The following TENM4 variants were observed in gnomAD, a reference collection of about 807,000 sequenced individuals.
The protein encoded by TENM4 is teneurin transmembrane protein 4.
TENM4 carries 82 observed loss-of-function variants against 243.3 expected under a neutral mutation model. That is an observed-to-expected ratio of 0.34 (90% CI 0.28 to 0.40). The LOEUF (loss-of-function observed/expected upper bound fraction) is 0.40, where lower values mean the gene tolerates loss of function less well. Ranked by LOEUF, TENM4 falls within the 10% of genes least tolerant of loss-of-function variation. TENM4 has a pLI of 1.00. For missense variants in TENM4, 3,138 were observed against 3,673.3 expected (o/e 0.85, Z 3.77); for synonymous variants, 1,412 against 1,456.3 (o/e 0.97, Z 0.69).
intron 1 of TENM4, among the ~76,000 whole-genome samples, chr11:79,311,062 C>A (rs1856713360): frequency 6.6e-6 from 1 of 152,164 alleles, no homozygotes; most frequent in Admixed American, 6.5e-5. Context: ...ACTAACGATT[C>A]AAATAGCAGC....
At chr11:79,004,956 A>C (rs1370682066) in intron 6 of TENM4, among the ~76,000 whole-genome samples, 1 of 151,358 alleles carries the variant, frequency 6.6e-6, no homozygotes, top group Non-Finnish European at 1.5e-5. Context: ...AAAAAAAAAA[A>C]AAAAACAACT....
intron 6 of TENM4, among the ~76,000 whole-genome samples, chr11:78,973,264 A>G (rs920113734): frequency 4.3e-4 from 66 of 152,340 alleles, no homozygotes; most frequent in African/African-American, 1.4e-3. Flanking sequence ...TGTCTTCCAA[A>G]GTGGCTATGT....
intron 6 of TENM4, among the ~76,000 whole-genome samples, chr11:79,056,914 G>A (rs1859958622): frequency 6.6e-6 from 1 of 152,206 alleles, no homozygotes; most frequent in African/African-American, 2.4e-5. Context: ...TTACAGTACT[G>A]GCAAGCCATT....
At chr11:78,832,044 G>A (rs1162183302) in intron 12 of TENM4, among the ~76,000 whole-genome samples, 5 of 152,218 alleles carry the variant, frequency 3.3e-5, no homozygotes, top group Non-Finnish European at 7.3e-5. Context: ...CAAGGCTCAG[G>A]GAGGATAACT....
chr11:79,275,607 A>G (rs1227386000), intron 2 of TENM4, among the ~76,000 whole-genome samples: 1 of 152,278 alleles, frequency 6.6e-6, no homozygotes, highest in East Asian at 1.9e-4. Flanking sequence ...ATTCCTGCCC[A>G]TCTCTCCAAG....
intron 18 of TENM4, among the ~76,000 whole-genome samples, chr11:78,759,039 TC>T (rs1466361073): frequency 1.3e-5 from 2 of 152,176 alleles, no homozygotes; most frequent in Admixed American, 6.5e-5. Context: ...TGGGTTAGTT[TC>T]CCTTCCTCAT....
intron 2 of TENM4, among the ~76,000 whole-genome samples, chr11:79,217,490 A>T (rs181622722): frequency 1.3e-3 from 191 of 152,324 alleles, no homozygotes; most frequent in African/African-American, 4.5e-3. Context: ...AGCTTAAAAA[A>T]CATTGCTGTT....
chr11:79,238,112 C>A (rs1864513890), intron 2 of TENM4, among the ~76,000 whole-genome samples: 1 of 152,106 alleles, frequency 6.6e-6, no homozygotes. Flanking sequence ...TGATATTTGT[C>A]CCCGCAGATT....
intron 2 of TENM4, among the ~76,000 whole-genome samples, chr11:79,245,766 C>G (rs768920500): frequency 6.6e-6 from 1 of 151,474 alleles, no homozygotes; most frequent in Non-Finnish European, 1.5e-5. Context: ...ATGGTGAAAC[C>G]CTGTCTCTAA....
intron 3 of TENM4, among the ~76,000 whole-genome samples, chr11:79,160,369 C>T (rs921831059): frequency 6.6e-6 from 1 of 152,202 alleles, no homozygotes; most frequent in Non-Finnish European, 1.5e-5. Context: ...GGCAACCGTG[C>T]AGAATGGGCA....
chr11:79,186,484 G>A (rs563610571), intron 3 of TENM4, among the ~76,000 whole-genome samples: 1 of 152,300 alleles, frequency 6.6e-6, no homozygotes, highest in South Asian at 2.1e-4. Flanking sequence ...TTATAGATGA[G>A]GCTGAGAAAG....
At chr11:79,310,011 C>T (rs1472739415) in intron 1 of TENM4, among the ~76,000 whole-genome samples, 1 of 152,176 alleles carries the variant, frequency 6.6e-6, no homozygotes, top group Non-Finnish European at 1.5e-5. Context: ...AGCACCTCAG[C>T]CCCTGTGTCT....
intron 32 of TENM4, among the ~76,000 whole-genome samples, chr11:78,661,990 G>T (rs7925744): frequency 1.3e-5 from 2 of 152,090 alleles, no homozygotes; most frequent in Non-Finnish European, 2.9e-5. Context: ...AGATTTTAAT[G>T]ATTGACTTGC....
chr11:79,343,506 T>C (rs999772111), intron 1 of TENM4, among the ~76,000 whole-genome samples: 7 of 152,140 alleles, frequency 4.6e-5, no homozygotes, highest in African/African-American at 7.2e-5. Flanking sequence ...CTTGTGAGCA[T>C]TAAAAAAGTA....
intron 15 of TENM4, among the ~76,000 whole-genome samples, chr11:78,791,919 G>A (rs1169802160): frequency 6.6e-6 from 1 of 152,146 alleles, no homozygotes; most frequent in Non-Finnish European, 1.5e-5. Flanking sequence ...CTGGGGTCTG[G>A]GAGGAATCTT....
At chr11:78,751,072 G>A (rs1199274260) in intron 19 of TENM4, among the ~76,000 whole-genome samples, 2 of 152,116 alleles carry the variant, frequency 1.3e-5, no homozygotes, top group Non-Finnish European at 2.9e-5. Flanking sequence ...ATAGAGACGG[G>A]GTTTTGCCAC....
intron 6 of TENM4, among the ~76,000 whole-genome samples, chr11:79,005,659 G>C (rs147457198): frequency 1.8e-4 from 28 of 152,166 alleles, no homozygotes; most frequent in Admixed American, 4.6e-4. Flanking sequence ...GCAAAAACTT[G>C]AAGCATTTCC....
intron 28 of TENM4, among the ~76,000 whole-genome samples, chr11:78,697,474 G>A (rs1157888220): frequency 6.6e-6 from 1 of 152,152 alleles, no homozygotes; most frequent in African/African-American, 2.4e-5. Flanking sequence ...AAAACCAGAG[G>A]CCAAATCTCT....
intron 6 of TENM4, among the ~76,000 whole-genome samples, chr11:78,994,333 T>TAAGC (rs1345006891): frequency 6.6e-6 from 1 of 152,248 alleles, no homozygotes; most frequent in African/African-American, 2.4e-5. Flanking sequence ...GCTTGGCATT[T>TAAGC]AATCAAAGGC....
Sources: allele counts gnomAD v4.1 joint callset (sites outside exome capture counted in the v4.1 genomes callset), GRCh38; gene constraint gnomAD v4.1.1; transcripts MANE v1.5; gene names NCBI Gene and HGNC (gene_info 2026-07-23, HGNC 2026-07-21).